Variants in NKAIN3 observed in about 807,000 individuals in gnomAD.
NKAIN3 encodes sodium/potassium transporting ATPase interacting 3, also known as sodium/potassium-transporting ATPase subunit beta-1-interacting protein 3.
In NKAIN3, 25 loss-of-function variants were observed where a neutral mutation model predicts 30.2. The observed-to-expected ratio is 0.83, with a 90% confidence interval of 0.60 to 1.16. NKAIN3 has a LOEUF of 1.16. Among genes scored for constraint, NKAIN3 ranks in the 50% most tolerant of loss-of-function variants. The probability of loss-of-function intolerance (pLI) is 0.00; values close to 1 mark genes in which losing one functional copy is unlikely to be tolerated. For missense variants in NKAIN3, 225 were observed against 254.1 expected (o/e 0.89, Z 0.78); for synonymous variants, 91 against 89.6 (o/e 1.02, Z -0.09).
chr8:62,422,623 C>T (rs1402126088), intron 1 of NKAIN3, among the ~76,000 whole-genome samples: 1 of 152,074 alleles, frequency 6.6e-6, no homozygotes, highest in East Asian at 1.9e-4. Context: ...CAATCATATG[C>T]TCTTTCCCAT....
At chr8:62,378,443 G>T (rs558485804) in intron 1 of NKAIN3, among the ~76,000 whole-genome samples, 1 of 152,196 alleles carries the variant, frequency 6.6e-6, no homozygotes, top group Non-Finnish European at 1.5e-5. Context: ...AGGGGAAAAT[G>T]TCTCCAGAGC....
chr8:62,872,217 G>A lies in NKAIN3; in HGVS notation c.472-46236G>A, dbSNP rs187550576. Among the ~76,000 whole-genome samples, 188 of 152,322 alleles carry A rather than the reference G, an allele frequency of 1.2e-3. No individual in the cohort carries two copies. The Middle Eastern group carries it at 0.017, about 14-fold the overall frequency. ...GTACACTTCATGTTGCCTACACAGCGAAAAGCACCTGATGATGCCATTGTC... is the reference window on the plus strand; with the variant it reads ...GTACACTTCATGTTGCCTACACAGCAAAAAGCACCTGATGATGCCATTGTC... On this transcript the variant is annotated intron_variant, in intron 4 of 6. Transcript: ENST00000623646.
intron 1 of NKAIN3, among the ~76,000 whole-genome samples, chr8:62,394,708 GGCC>G (rs1817682223): frequency 2.8e-5 from 2 of 71,104 alleles, no homozygotes; most frequent in African/African-American, 3.4e-5. Flanking sequence ...ACGGTGGGGC[GGCC>G]AAGCAGAGGT....
intron 1 of NKAIN3, among the ~76,000 whole-genome samples, chr8:62,298,171 T>G (rs1422812070): frequency 4.3e-5 from 4 of 92,588 alleles, no homozygotes; most frequent in African/African-American, 1.8e-4. Context: ...TGGAGACTGT[T>G]GTGGGGTGGG....
chr8:62,389,109 A>G (rs567870466), intron 1 of NKAIN3, among the ~76,000 whole-genome samples: 6 of 152,330 alleles, frequency 3.9e-5, no homozygotes, highest in Non-Finnish European at 8.8e-5. Flanking sequence ...GAGCTGCTGC[A>G]TGAAAACTAG....
At chr8:62,350,507 TG>T (rs1304162205) in intron 1 of NKAIN3, among the ~76,000 whole-genome samples, 1 of 152,144 alleles carries the variant, frequency 6.6e-6, no homozygotes, top group East Asian at 1.9e-4. Flanking sequence ...AGTTACAGCG[TG>T]GGACGATGAT....
intron 3 of NKAIN3, among the ~76,000 whole-genome samples, chr8:62,644,627 A>G (rs1291217806): frequency 1.3e-5 from 2 of 152,170 alleles, no homozygotes; most frequent in Non-Finnish European, 2.9e-5. Flanking sequence ...GGAAAGGACA[A>G]CTATAGATTG....
intron 3 of NKAIN3, among the ~76,000 whole-genome samples, chr8:62,699,796 T>C (rs1814274500): frequency 6.6e-6 from 1 of 152,232 alleles, no homozygotes; most frequent in South Asian, 2.1e-4. Flanking sequence ...TTATCTACTA[T>C]GCAGAATGAA....
chr8:62,887,342 G>A (rs1298717343), intron 4 of NKAIN3, among the ~76,000 whole-genome samples: 3 of 151,866 alleles, frequency 2.0e-5, no homozygotes, highest in Non-Finnish European at 4.4e-5. Flanking sequence ...TGATAGGCCT[G>A]TATGTAGTTT....
chr8:62,379,701 T>G (rs1585741825), intron 1 of NKAIN3, among the ~76,000 whole-genome samples: 1 of 152,160 alleles, frequency 6.6e-6, no homozygotes, highest in African/African-American at 2.4e-5. Flanking sequence ...TCCCAAGCTA[T>G]GCAGAACTGT....
intron 4 of NKAIN3, among the ~76,000 whole-genome samples, chr8:62,870,274 A>ATCTATAGATATCTATATC (rs1563604041): frequency 7.9e-6 from 1 of 126,492 alleles, no homozygotes; most frequent in Non-Finnish European, 1.6e-5. Context: ...ATATATAGAT[A>ATCTATAGATATCTATATC]TATATAAATA....
intron 4 of NKAIN3, among the ~76,000 whole-genome samples, chr8:62,851,175 C>A (rs1819883712): frequency 6.6e-6 from 1 of 152,048 alleles, no homozygotes; most frequent in Admixed American, 6.6e-5. Flanking sequence ...CCTTCACATC[C>A]CTTGTAAGTT....
intron 1 of NKAIN3, among the ~76,000 whole-genome samples, chr8:62,543,745 T>A (rs1167499249): frequency 6.6e-6 from 1 of 152,186 alleles, no homozygotes; most frequent in Non-Finnish European, 1.5e-5. Flanking sequence ...AAACTGAAAA[T>A]CTCAGATTGA....
chr8:62,383,137 C>A (rs1289272741), intron 1 of NKAIN3, among the ~76,000 whole-genome samples: 1 of 152,078 alleles, frequency 6.6e-6, no homozygotes, highest in Non-Finnish European at 1.5e-5. Context: ...GGGTTTTGGG[C>A]AGCCAGGGAC....
chr8:62,873,254 A>G (rs1256590985), intron 4 of NKAIN3, among the ~76,000 whole-genome samples: 2 of 152,124 alleles, frequency 1.3e-5, no homozygotes, highest in African/African-American at 2.4e-5. Flanking sequence ...GCATTACATA[A>G]TGGTAAAGGG....
At chr8:62,412,505 A>C (rs948050474) in intron 1 of NKAIN3, among the ~76,000 whole-genome samples, 1 of 152,162 alleles carries the variant, frequency 6.6e-6, no homozygotes, top group Non-Finnish European at 1.5e-5. Flanking sequence ...CTTTAAACAG[A>C]CAATCTACAG....
chr8:62,921,302 T>C (rs184240487), intron 5 of NKAIN3, among the ~76,000 whole-genome samples: 2 of 152,312 alleles, frequency 1.3e-5, no homozygotes, highest in African/African-American at 4.8e-5. Flanking sequence ...TTCATAACTT[T>C]GATTCTATTC....
At chr8:62,279,206 C>T (rs1813083848) in intron 1 of NKAIN3, among the ~76,000 whole-genome samples, 1 of 152,140 alleles carries the variant, frequency 6.6e-6, no homozygotes, top group Non-Finnish European at 1.5e-5. Context: ...ATATCCTTCA[C>T]CCACTTTTGA....
rs576051177 is a variant in NKAIN3, at chr8:62,720,266, A to T, written c.274-26666A>T. ...CAGTAATAATTCCTGATATTTTATG[A>T]TGATTACCTTAACACATTTATACAT... On this transcript the variant is annotated intron_variant, in intron 3 of 6. Coordinates refer to ENST00000623646, the MANE Select transcript of NKAIN3 (RefSeq NM_001304533.3). Among the ~76,000 whole-genome samples, 14 of 152,314 alleles carry T rather than the reference A, an allele frequency of 9.2e-5. 1 individual carries two copies. The highest frequency in any genetic ancestry group is 6.2e-4 in the South Asian group (3 of 4,834).
Sources: allele counts gnomAD v4.1 joint callset (sites outside exome capture counted in the v4.1 genomes callset), GRCh38; gene constraint gnomAD v4.1.1; transcripts MANE v1.5; gene names NCBI Gene and HGNC (gene_info 2026-07-23, HGNC 2026-07-21).